The following HS3ST1 variants were observed in gnomAD, a reference collection of about 807,000 sequenced individuals.
HS3ST1 encodes heparan sulfate-glucosamine 3-sulfotransferase 1.
A neutral mutation model predicts 20.7 loss-of-function variants in HS3ST1; 8 were observed. The ratio of observed to expected loss-of-function variants is 0.39; its 90% confidence interval spans 0.23 to 0.70. The LOEUF is 0.70. Ranked by LOEUF, HS3ST1 falls within the 30% of genes least tolerant of loss-of-function variation. The pLI is 0.46. For synonymous variants in HS3ST1, 205 were observed against 190.4 expected, an observed-to-expected ratio of 1.08 and a Z score of -0.63; for missense variants, 436 against 423.4, an observed-to-expected ratio of 1.03 and a Z score of -0.26.
At position 11,394,751 on chromosome 4, in the gene HS3ST1, A is replaced by G. The variant is rs1050162787; in HGVS notation, c.*4331T>C. The G allele has an allele frequency of 1.3e-5, 2 of 152,232 alleles. No homozygotes were observed. The highest frequency in any genetic ancestry group is 2.4e-5 in the African/African-American group (1 of 41,474). The allele number at this position is 152,232 out of a possible 1,614,324, so 9.4% of individuals were successfully genotyped here. A position where few individuals can be genotyped will look rare whatever the true frequency, so the allele number is the denominator to read the frequency against. ...GCAGAGACATCGGAGACAAAATTTCATTTGTAAGAAGTAATGGCTCTATCA... is the reference window on the plus strand; with the variant it reads ...GCAGAGACATCGGAGACAAAATTTCGTTTGTAAGAAGTAATGGCTCTATCA... On this transcript the variant is annotated 3_prime_UTR_variant, in exon 2 of 2. Coordinates refer to ENST00000002596, the MANE Select transcript of HS3ST1 (RefSeq NM_005114.4).
intron 1 of HS3ST1, among the ~76,000 whole-genome samples, chr4:11,426,397 A>G (rs1719061396): frequency 6.7e-6 from 1 of 149,746 alleles, no homozygotes; most frequent in African/African-American, 2.5e-5. Flanking sequence ...TTTTTCCAGT[A>G]AAATAATTTC....
In HS3ST1 at chr4:11,400,063, G is replaced by A; in HGVS notation, c.-58C>T. On this transcript the variant is annotated 5_prime_UTR_variant, in exon 2 of 2. Transcript: ENST00000002596. ...CGCCGCTGGGTCATGAAGTGCCGCA[G>A]CAGGGAAGCCTCCTAGTCAGTGGCA... 7.0e-7 allele frequency: 1 copy of A among 1,437,780 alleles called. No homozygotes were observed. The highest frequency in any genetic ancestry group is 1.5e-5 in the South Asian group (1 of 68,034). The allele number at this position is 1,437,780 out of a possible 1,614,324, so 89.1% of individuals were successfully genotyped here.
Position 11,396,244 on chromosome 4 carries a change from C to T in HS3ST1, c.*2838G>A, listed in dbSNP as rs1718142560. 2.0e-5 allele frequency: 3 copies of T among 152,192 alleles called. No individual in the cohort carries two copies. The highest frequency in any genetic ancestry group is 4.4e-5 in the Non-Finnish European group (3 of 68,064). The allele number at this position is 152,192 out of a possible 1,614,324, so 9.4% of individuals were successfully genotyped here. Reference sequence around the variant, plus strand: ...AAACCTTCAGGTTGTGAGCTGATAACCAAATGGTGTTAAAAGGATTTCAAC... The same window carrying T: ...AAACCTTCAGGTTGTGAGCTGATAATCAAATGGTGTTAAAAGGATTTCAAC... On this transcript the variant is annotated 3_prime_UTR_variant, in exon 2 of 2. Transcript: ENST00000002596.
intron 1 of HS3ST1, among the ~76,000 whole-genome samples, chr4:11,426,808 G>T (rs1465529224): frequency 6.6e-6 from 1 of 152,230 alleles, no homozygotes; most frequent in Non-Finnish European, 1.5e-5. Flanking sequence ...TTCTTTCTCT[G>T]CTTAGCGCTG....
rs140256779 is a variant in HS3ST1, at chr4:11,416,843, G to A, written c.-109+11856C>T. Among the ~76,000 whole-genome samples the A allele has an allele frequency of 7.0e-3, 1,063 of 152,328 alleles. 12 individuals carry two copies. The highest frequency in any genetic ancestry group is 0.024 in the African/African-American group (1,008 of 41,566). The stretch of plus-strand genomic sequence containing the variant: ...GTGATCCAAGGCAAAAGGCACACAT[G>A]CAGTGATTTACTATGGAGAGGGAGC... On this transcript the variant is annotated intron_variant, in intron 1 of 1. Coordinates refer to ENST00000002596, the MANE Select transcript of HS3ST1 (RefSeq NM_005114.4).
chr4:11,405,211 A>G (rs1193532310), intron 1 of HS3ST1, among the ~76,000 whole-genome samples: 1 of 152,248 alleles, frequency 6.6e-6, no homozygotes, highest in African/African-American at 2.4e-5. Context: ...AGGGAGACCC[A>G]GCTACCCCTC....
intron 1 of HS3ST1, among the ~76,000 whole-genome samples, chr4:11,424,430 A>T (rs1044116216): frequency 6.6e-6 from 1 of 152,204 alleles, no homozygotes; most frequent in Non-Finnish European, 1.5e-5. Context: ...CCATGGGTAG[A>T]GGAAGCTAAG....
chr4:11,422,816 A>T (rs1184069665), intron 1 of HS3ST1, among the ~76,000 whole-genome samples: 1 of 152,074 alleles, frequency 6.6e-6, no homozygotes, highest in Non-Finnish European at 1.5e-5. Context: ...AAGCCTCAAA[A>T]AAATTTCCGT....
chr4:11,422,664 G>C (rs979604295), intron 1 of HS3ST1, among the ~76,000 whole-genome samples: 8 of 152,120 alleles, frequency 5.3e-5, no homozygotes, highest in Admixed American at 2.6e-4. Flanking sequence ...AAAGGTAGGG[G>C]CAGATTTGGG....
In HS3ST1 at chr4:11,399,223, GCCGCTGT is replaced by G. The variant is rs1438823637; in HGVS notation, c.776_782del (p.Asp259AlafsTer51). 1 of 1,614,196 alleles carries G rather than the reference GCCGCTGT, an allele frequency of 6.2e-7. No homozygotes were observed. The highest frequency in any genetic ancestry group is 8.5e-7 in the Non-Finnish European group (1 of 1,180,036). ...TGGACTCATGTAAGCAGCGGTCCCGGCCGCTGTCCCGCAGGCAGTAAAAGCCCTTGGT... is the reference window on the plus strand; with the variant it reads ...TGGACTCATGTAAGCAGCGGTCCCGGCCCGCAGGCAGTAAAAGCCCTTGGT... On this transcript the variant is annotated frameshift_variant, in exon 2 of 2. Coordinates refer to ENST00000002596, the MANE Select transcript of HS3ST1 (RefSeq NM_005114.4). LOFTEE classifies it high-confidence loss of function. The surrounding 1 kb of genome is among the most constrained non-coding windows in gnomAD (Gnocchi z 5.1).
At chr4:11,414,334 C>T (rs1392403480) in intron 1 of HS3ST1, among the ~76,000 whole-genome samples, 7 of 151,924 alleles carry the variant, frequency 4.6e-5, no homozygotes, top group African/African-American at 7.3e-5. Flanking sequence ...TACATATACA[C>T]GCGTGTGTGG....
At chr4:11,410,918 TAAAA>T (rs1467024534) in intron 1 of HS3ST1, among the ~76,000 whole-genome samples, 2 of 129,154 alleles carry the variant, frequency 1.5e-5, no homozygotes, top group East Asian at 2.5e-4. Flanking sequence ...AATAAATAAA[TAAAA>T]AAGTAGAGGA....
At chr4:11,411,433 A>T (rs1485253534) in intron 1 of HS3ST1, among the ~76,000 whole-genome samples, 2 of 152,198 alleles carry the variant, frequency 1.3e-5, no homozygotes, top group Non-Finnish European at 2.9e-5. Context: ...CAAGTTGAAT[A>T]TTTCATTATA....
At chr4:11,431,073 C>T (rs1055430036), upstream of HS3ST1, among the ~76,000 whole-genome samples, 2 of 152,138 alleles carry the variant, frequency 1.3e-5, no homozygotes, top group Admixed American at 6.5e-5. Context: ...CCTATGACAA[C>T]ACAATCACAT....
intron 1 of HS3ST1, among the ~76,000 whole-genome samples, chr4:11,407,595 A>C (rs960109484): frequency 6.6e-6 from 1 of 152,126 alleles, no homozygotes; most frequent in Non-Finnish European, 1.5e-5. Context: ...AGGTGGTCTG[A>C]AGTCAACCCA....
chr4:11,433,864 T>G (rs1011904082), upstream of HS3ST1, among the ~76,000 whole-genome samples: 1 of 152,200 alleles, frequency 6.6e-6, no homozygotes, highest in African/African-American at 2.4e-5. Context: ...AATCTAATCA[T>G]TCTCATGAGT....
chr4:11,403,870 T>C (rs1190563909), intron 1 of HS3ST1, among the ~76,000 whole-genome samples: 3 of 152,208 alleles, frequency 2.0e-5, no homozygotes, highest in African/African-American at 7.2e-5. Flanking sequence ...ATCTGTAAAA[T>C]GGTAATAATT....
intron 1 of HS3ST1, among the ~76,000 whole-genome samples, chr4:11,420,583 C>T (rs914635941): frequency 3.3e-5 from 5 of 152,310 alleles, no homozygotes; most frequent in South Asian, 2.1e-4. Flanking sequence ...TCTATCTTAG[C>T]GGAACGAACA....
rs763605033 is a variant in HS3ST1, at chr4:11,399,766, C to T, written c.240G>A (p.Val80=). The change falls in exon 2 of 2, where the codon GTG becomes GTA. Residue 80 remains valine, a synonymous_variant. Coordinates refer to ENST00000002596, the MANE Select transcript of HS3ST1 (RefSeq NM_005114.4). This position sits in a 1 kb window ranked among gnomAD's most constrained non-coding sequence, Gnocchi z 5.1. ...LLEMLSLHPD[V]AAAENEVHFF... ...AGTGGACCTCGTTCTCCGCGGCCGC[C>T]ACGTCGGGGTGCAGGCTGAGCATCT... 4.3e-6 allele frequency: 7 copies of T among 1,613,616 alleles called. No homozygotes were observed. Among genetic ancestry groups the T allele is most frequent in the East Asian group, 2.2e-5 (1 of 44,896 alleles).
Sources: gnomAD v4.1 joint callset for allele counts (sites outside exome capture counted in the v4.1 genomes callset) on GRCh38, gnomAD v4.1.1 for gene constraint, Gnocchi (gnomAD v3.1) non-coding constraint, MANE v1.5 for transcripts, NCBI Gene and HGNC (gene_info 2026-07-23, HGNC 2026-07-21) for gene names.